The following ARHGAP20 variants were observed in gnomAD, a reference collection of about 807,000 sequenced individuals.
ARHGAP20 encodes the protein Rho GTPase activating protein 20, also known as rho GTPase-activating protein 20.
Under a neutral mutation model 73.7 loss-of-function variants are expected in ARHGAP20, and 34 were observed. The observed-to-expected ratio is 0.46, with a 90% CI of 0.35 to 0.61. ARHGAP20 has a LOEUF of 0.61. ARHGAP20 is among the 20% of genes least tolerant of loss of function. ARHGAP20 has a pLI of 0.00. For synonymous variants in ARHGAP20, 523 were observed against 518.2 expected (o/e 1.01, Z -0.13); for missense variants, 1,314 against 1,420.9 (o/e 0.92, Z 1.21).
At chr11:110,595,475 A>C (rs952237428) in intron 9 of ARHGAP20, among the ~76,000 whole-genome samples, 94 of 152,276 alleles carry the variant, frequency 6.2e-4, no homozygotes, top group Admixed American at 1.4e-3. Flanking sequence ...GTACAAAAAT[A>C]ACAAGCATTC....
chr11:110,634,990 T>A (rs536063662), intron 2 of ARHGAP20, among the ~76,000 whole-genome samples: 1 of 152,094 alleles, frequency 6.6e-6, no homozygotes, highest in South Asian at 2.1e-4. Context: ...AAAGAACAAG[T>A]ATTTCTCGGG....
intron 2 of ARHGAP20, among the ~76,000 whole-genome samples, chr11:110,670,506 G>A (rs74666845): frequency 0.021 from 3,135 of 151,954 alleles, 111 homozygotes; most frequent in African/African-American, 0.071. Context: ...CAAATTACCC[G>A]AACTGACTCA....
Position 110,577,170 on chromosome 11 carries a change from C to T in ARHGAP20, c.*2200G>A. ...AGCAGTTTCTGCAAGTACAAAAATA[C>T]ACATTTATTACATAACATATGGTAG... On this transcript the variant is annotated 3_prime_UTR_variant, in exon 15 of 15. Transcript: ENST00000683387. The T allele has an allele frequency of 6.5e-7, 1 of 1,533,982 alleles. No homozygotes were observed. The highest frequency in any genetic ancestry group is 8.7e-7 in the Non-Finnish European group (1 of 1,145,930).
intron 2 of ARHGAP20, among the ~76,000 whole-genome samples, chr11:110,641,619 C>A (rs189141220): frequency 2.0e-5 from 3 of 151,934 alleles, no homozygotes; most frequent in Admixed American, 6.6e-5. Flanking sequence ...TTCTTCCCCC[C>A]CAACCCTCAG....
At chr11:110,657,920 G>GAGGA (rs3044293) in intron 2 of ARHGAP20, among the ~76,000 whole-genome samples, 20,126 of 133,748 alleles carry the variant, frequency 0.15, 1,793 homozygotes, top group Middle Eastern at 0.23. Context: ...AAAAGAGAGA[G>GAGGA]AGGAAGGAAG....
intron 11 of ARHGAP20, chr11:110,589,445 G>A: frequency 1.0e-6 from 1 of 985,404 alleles, no homozygotes; most frequent in Non-Finnish European, 1.2e-6. Flanking sequence ...TGGAGTAGGG[G>A]TATGCAAGAA....
At chr11:110,649,422 T>G (rs938129183) in intron 2 of ARHGAP20, among the ~76,000 whole-genome samples, 7 of 152,108 alleles carry the variant, frequency 4.6e-5, no homozygotes, top group Admixed American at 2.6e-4. Context: ...CAGGCACAAG[T>G]TGACTGCCAT....
intron 1 of ARHGAP20, among the ~76,000 whole-genome samples, chr11:110,705,731 G>A (rs530554188): frequency 6.6e-6 from 1 of 152,266 alleles, no homozygotes; most frequent in South Asian, 2.1e-4. Context: ...AGTTAACTGA[G>A]TTGAGAGAGT....
At chr11:110,628,584 T>C (rs1948796236) in intron 3 of ARHGAP20, among the ~76,000 whole-genome samples, 1 of 152,188 alleles carries the variant, frequency 6.6e-6, no homozygotes, top group Non-Finnish European at 1.5e-5. Context: ...TTTGGATTTA[T>C]GTCAAAAAAT....
intron 2 of ARHGAP20, among the ~76,000 whole-genome samples, chr11:110,641,149 A>C (rs1368060054): frequency 1.3e-5 from 2 of 152,056 alleles, no homozygotes; most frequent in Non-Finnish European, 2.9e-5. Flanking sequence ...CAATGAGATC[A>C]ATACATCAAC....
At chr11:110,593,912 A>G (rs772554956) in intron 9 of ARHGAP20, among the ~76,000 whole-genome samples, 13 of 152,244 alleles carry the variant, frequency 8.5e-5, no homozygotes, top group Admixed American at 7.2e-4. Flanking sequence ...GATAATTGGT[A>G]ATTAGACTGG....
At chr11:110,586,121 T>C (rs183567615) in intron 12 of ARHGAP20, 95 bp downstream of exon 12, 2 of 600,198 alleles carry the variant, frequency 3.3e-6, no homozygotes, top group Non-Finnish European at 5.2e-6. Context: ...CTGGTCCACA[T>C]GGATATGACT....
chr11:110,711,886 C>G, intron 1 of ARHGAP20: 3 of 1,309,818 alleles, frequency 2.3e-6, no homozygotes, highest in Non-Finnish European at 2.9e-6. Flanking sequence ...GCTGCGAGGT[C>G]GCTCGAGGAG....
intron 1 of ARHGAP20, among the ~76,000 whole-genome samples, chr11:110,694,305 A>C (rs887602163): frequency 6.6e-6 from 1 of 151,810 alleles, no homozygotes; most frequent in Non-Finnish European, 1.5e-5. Context: ...TTTTATTAGG[A>C]AAGTATAACA....
chr11:110,605,916 T>A (rs780635792), intron 9 of ARHGAP20, among the ~76,000 whole-genome samples: 3 of 152,256 alleles, frequency 2.0e-5, no homozygotes, highest in Non-Finnish European at 4.4e-5. Flanking sequence ...TACTTTTTGA[T>A]ATCAATTTTC....
chr11:110,631,472 G>A (rs961604576), intron 2 of ARHGAP20, among the ~76,000 whole-genome samples: 2 of 152,008 alleles, frequency 1.3e-5, no homozygotes, highest in Admixed American at 6.6e-5. Context: ...TTTATATATC[G>A]AAGTATTTTA....
Position 110,630,622 on chromosome 11 carries a change from A to G in ARHGAP20, c.353+6T>C. 6.2e-7 allele frequency: 1 copy of G among 1,613,762 alleles called. No homozygotes were observed. Among genetic ancestry groups the G allele is most frequent in the Non-Finnish European group, 8.5e-7 (1 of 1,179,802 alleles). On this transcript the variant is annotated splice_donor_region_variant and intron_variant, in intron 3 of 14. Transcript: ENST00000683387. ...AATGATAATCAGGAGTATATAGTAT[A>G]CATACTTGATTTTGGCCACAACAAA...
At chr11:110,601,337 G>C (rs1336030995) in intron 9 of ARHGAP20, among the ~76,000 whole-genome samples, 1 of 152,148 alleles carries the variant, frequency 6.6e-6, no homozygotes, top group Admixed American at 6.5e-5. Context: ...TAAAAGTCAG[G>C]TTAATAGCTG....
chr11:110,701,648 G>A (rs1450009250), intron 1 of ARHGAP20, among the ~76,000 whole-genome samples: 2 of 152,088 alleles, frequency 1.3e-5, no homozygotes, highest in Non-Finnish European at 2.9e-5. Context: ...TAGACATGAA[G>A]TCCTTGCCCA....
Sources: gnomAD v4.1 joint callset for allele counts (sites outside exome capture counted in the v4.1 genomes callset) on GRCh38, gnomAD v4.1.1 for gene constraint, MANE v1.5 for transcripts, NCBI Gene and HGNC (gene_info 2026-07-23, HGNC 2026-07-21) for gene names.